TRPM6: variants seen among roughly 807,000 people sequenced by gnomAD.
TRPM6 encodes channel kinase 2.
TRPM6 carries 111 observed loss-of-function variants against 247.6 expected under a neutral mutation model. That is an observed-to-expected ratio of 0.45 (90% CI 0.38 to 0.52). The LOEUF is 0.52. Ranked by LOEUF, TRPM6 falls within the 20% of genes least tolerant of loss-of-function variation. The probability of loss-of-function intolerance (pLI) is 0.00; values close to 1 mark genes in which losing one functional copy is unlikely to be tolerated. For missense variants in TRPM6, 2,126 were observed against 2,421.5 expected (o/e 0.88, Z 2.56); for synonymous variants, 892 against 853.8 (o/e 1.04, Z -0.78).
intron 13 of TRPM6, 104 bp downstream of exon 13, chr9:74,810,711 A>C (rs1357545973): frequency 9.8e-7 from 1 of 1,016,492 alleles, no homozygotes; most frequent in African/African-American, 1.6e-5. Context: ...GTAATTAACA[A>C]AACAATCCAA....
At chr9:74,785,191 C>A (rs551473598) in intron 21 of TRPM6, among the ~76,000 whole-genome samples, 1 of 152,086 alleles carries the variant, frequency 6.6e-6, no homozygotes, top group Non-Finnish European at 1.5e-5. Flanking sequence ...AGAAGCCAGG[C>A]GTGATGGTGC....
intron 27 of TRPM6, among the ~76,000 whole-genome samples, chr9:74,760,135 C>T (rs1322453831): frequency 6.6e-6 from 1 of 152,094 alleles, no homozygotes; most frequent in Non-Finnish European, 1.5e-5. Context: ...TTTAGTGTAG[C>T]CTAAATGTAC....
rs372011038 is a variant in TRPM6 at position 74,810,796 on chromosome 9, G to A, written c.1497+19C>T. Reference sequence around the variant, plus strand: ...AGGCAATACACAAAGACATGTTCACGCCTTCTTAATTAGGTTACCTGTTTC... The same window carrying A: ...AGGCAATACACAAAGACATGTTCACACCTTCTTAATTAGGTTACCTGTTTC... On this transcript the variant is annotated intron_variant, in intron 13 of 38. Coordinates refer to ENST00000360774, the MANE Select transcript of TRPM6 (RefSeq NM_017662.5). The A allele has an allele frequency of 6.8e-6, 11 of 1,610,768 alleles. No individual in the cohort carries two copies. Among genetic ancestry groups the A allele is most frequent in the East Asian group, 2.2e-5 (1 of 44,802 alleles).
chr9:74,751,029 C>G (rs1161300652), intron 29 of TRPM6, among the ~76,000 whole-genome samples: 2 of 152,092 alleles, frequency 1.3e-5, no homozygotes, highest in Non-Finnish European at 2.9e-5. Flanking sequence ...ACTAAACATA[C>G]ACAATCAGTT....
intron 16 of TRPM6, 69 bp downstream of exon 16, chr9:74,801,829 A>C: frequency 3.2e-6 from 5 of 1,570,536 alleles, no homozygotes; most frequent in Non-Finnish European, 4.4e-6. Context: ...TAAAGATGAG[A>C]GAGATAAAAG....
At chr9:74,735,078 G>C (rs74764852) in intron 36 of TRPM6, among the ~76,000 whole-genome samples, 1 of 152,060 alleles carries the variant, frequency 6.6e-6, no homozygotes, top group Non-Finnish European at 1.5e-5. Context: ...AAATTAGCCA[G>C]GTGTGGTGGC....
chr9:74,866,114 A>G (rs999905802), intron 1 of TRPM6, among the ~76,000 whole-genome samples: 5 of 152,360 alleles, frequency 3.3e-5, no homozygotes, highest in African/African-American at 1.2e-4. Context: ...AGCCTGGGCA[A>G]CATATCGAGA....
In TRPM6 at chr9:74,816,685, T is replaced by C. The variant is rs77006150; in HGVS notation, c.1292A>G (p.Tyr431Cys). ...VDIAKKHILI[Y>C]EQHWKPDALE... ...TCACTATACCTTCCAGTGTTGTTCA[T>C]AAATTAGGATATGTTTCTTGGCAAT... The change falls in exon 11 of 39, where the codon TAT becomes TGT. Residue 431 changes from tyrosine (Y) to cysteine (C), a missense_variant. Coordinates refer to ENST00000360774, the MANE Select transcript of TRPM6 (RefSeq NM_017662.5). 31 of 1,613,782 alleles carry C rather than the reference T, an allele frequency of 1.9e-5. No individual in the cohort carries two copies. Among genetic ancestry groups the C allele is most frequent in the Admixed American group, 1.7e-4 (10 of 60,004 alleles).
At chr9:74,793,751 G>T (rs1165222124) in intron 18 of TRPM6, among the ~76,000 whole-genome samples, 1 of 152,162 alleles carries the variant, frequency 6.6e-6, no homozygotes, top group Non-Finnish European at 1.5e-5. Context: ...CAGTTCATGT[G>T]CTCTCTGAGC....
intron 1 of TRPM6, among the ~76,000 whole-genome samples, chr9:74,882,474 G>A (rs184634221): frequency 2.0e-5 from 3 of 152,194 alleles, no homozygotes; most frequent in Admixed American, 6.5e-5. Context: ...TTTCTCAAAC[G>A]AATACATACA....
chr9:74,857,477 G>A (rs1830562292), intron 2 of TRPM6, among the ~76,000 whole-genome samples: 1 of 152,012 alleles, frequency 6.6e-6, no homozygotes, highest in East Asian at 1.9e-4. Flanking sequence ...TTTTCCAAGG[G>A]CAATGTCAAT....
intron 16 of TRPM6, 99 bp from the exon 17 acceptor site, chr9:74,800,581 T>C: frequency 1.2e-6 from 1 of 865,940 alleles, no homozygotes; most frequent in South Asian, 1.4e-5. Flanking sequence ...AAAGATTGGA[T>C]GTGAGGCTCA....
intron 5 of TRPM6, 128 bp downstream of exon 5, chr9:74,839,888 AGGAAGGAG>A (rs1377422298): frequency 3.0e-4 from 54 of 179,570 alleles, no homozygotes; most frequent in Middle Eastern, 1.2e-3. Context: ...GAAGGAAGGA[AGGAAGGAG>A]GGAGGGAGGG....
rs770374945 is a variant in TRPM6 at position 74,752,232 on chromosome 9, T to G, written c.4998+45A>C. On this transcript the variant is annotated intron_variant, in intron 29 of 38. Transcript: ENST00000360774. ...AAATGGGCGTAGTCAAGAGTAGCACTGCATGCTCGAATGCTTTTTTTTTTA... is the reference window on the plus strand; with the variant it reads ...AAATGGGCGTAGTCAAGAGTAGCACGGCATGCTCGAATGCTTTTTTTTTTA... 28 of 1,163,920 alleles carry G rather than the reference T, an allele frequency of 2.4e-5. 2 individuals are homozygous for G. The highest frequency in any genetic ancestry group is 3.8e-4 in the Middle Eastern group (2 of 5,256). 72.1% of individuals were successfully genotyped at this position (1,163,920 alleles called of 1,614,324 possible). A position where few individuals can be genotyped will look rare whatever the true frequency, so the allele number is the denominator to read the frequency against.
intron 13 of TRPM6, among the ~76,000 whole-genome samples, chr9:74,809,998 A>AAC (rs1828670771): frequency 6.6e-6 from 1 of 150,982 alleles, no homozygotes; most frequent in South Asian, 2.1e-4. Context: ...AAAAAAAAAA[A>AAC]AAAACAAGGA....
At chr9:74,810,975 G>A (rs1000527343) in intron 12 of TRPM6, 107 bp from the exon 13 acceptor site, 8 of 877,622 alleles carry the variant, frequency 9.1e-6, no homozygotes, top group Non-Finnish European at 1.3e-5. Context: ...TGAAAATTGT[G>A]TTCAATATTT....
Position 74,731,647 on chromosome 9 carries a change from G to A in TRPM6, c.5828+1038C>T, listed in dbSNP as rs565840375. Reference sequence around the variant, plus strand: ...GAATATTTATGAGTTCTTGGGGAGGGAAAGTAAAAATTTCAGATTTTATTG... The same window carrying A: ...GAATATTTATGAGTTCTTGGGGAGGAAAAGTAAAAATTTCAGATTTTATTG... On this transcript the variant is annotated intron_variant, in intron 37 of 38. Coordinates refer to ENST00000360774, the MANE Select transcript of TRPM6 (RefSeq NM_017662.5). Among the ~76,000 whole-genome samples the A allele has an allele frequency of 3.3e-4, 49 of 150,194 alleles. No individual in the cohort carries two copies. The South Asian group carries it at 9.8e-3, about 30-fold the overall frequency.
chr9:74,887,750 C>T (rs1165638710), intron 1 of TRPM6, 74 bp downstream of exon 1: 7 of 1,613,740 alleles, frequency 4.3e-6, no homozygotes, highest in Middle Eastern at 1.6e-4. Context: ...CCACTTCTAT[C>T]TAAGGCCGGG....
intron 1 of TRPM6, among the ~76,000 whole-genome samples, chr9:74,864,018 T>C (rs541647295): frequency 6.6e-6 from 1 of 152,176 alleles, no homozygotes; most frequent in Non-Finnish European, 1.5e-5. Flanking sequence ...TAACAACTAC[T>C]TCTTCAGTGG....
Sources: allele counts gnomAD v4.1 joint callset (sites outside exome capture counted in the v4.1 genomes callset), GRCh38; gene constraint gnomAD v4.1.1; transcripts MANE v1.5; gene names NCBI Gene and HGNC (gene_info 2026-07-23, HGNC 2026-07-21).